Variants in EGLN1 observed in about 807,000 individuals in gnomAD.
EGLN1 encodes egl nine homolog 1.
A neutral mutation model predicts 38.3 loss-of-function variants in EGLN1; 17 were observed. The observed-to-expected ratio is 0.44, with a 90% CI of 0.30 to 0.67. EGLN1 has a LOEUF of 0.67. Ranked by LOEUF, EGLN1 falls within the 30% of genes least tolerant of loss-of-function variation. EGLN1 has a pLI of 0.08. For missense variants in EGLN1, 477 were observed against 603.3 expected (o/e 0.79, Z 2.19); for synonymous variants, 283 against 257.5 (o/e 1.10, Z -0.95).
intron 1 of EGLN1, among the ~76,000 whole-genome samples, chr1:231,419,306 G>C (rs1267636264): frequency 6.6e-6 from 1 of 152,164 alleles, no homozygotes; most frequent in Non-Finnish European, 1.5e-5. Context: ...GCTGTCTGCT[G>C]TCCCTTCTCT....
intron 2 of EGLN1, among the ~76,000 whole-genome samples, chr1:231,372,279 C>T (rs143245612): frequency 1.4e-4 from 22 of 152,290 alleles, no homozygotes; most frequent in Admixed American, 3.9e-4. Flanking sequence ...GGGCTAATTC[C>T]GTTTCTGCTA....
chr1:231,405,233 C>A (rs1231198695), intron 1 of EGLN1, among the ~76,000 whole-genome samples: 5 of 152,020 alleles, frequency 3.3e-5, no homozygotes, highest in Non-Finnish European at 7.4e-5. Context: ...AGTGCGGTGG[C>A]GCTATCTGGC....
chr1:231,395,881 T>C (rs480902), intron 1 of EGLN1, among the ~76,000 whole-genome samples: 97,697 of 151,676 alleles, frequency 0.64, 32,990 homozygotes, highest in Middle Eastern at 0.76. Flanking sequence ...CAGTGACTCA[T>C]AGACACATTA....
intron 1 of EGLN1, among the ~76,000 whole-genome samples, chr1:231,386,776 A>T (rs1688220211): frequency 6.6e-6 from 1 of 152,238 alleles, no homozygotes; most frequent in South Asian, 2.1e-4. Flanking sequence ...TAACATAAAC[A>T]TCTTTAATAC....
intron 1 of EGLN1, among the ~76,000 whole-genome samples, chr1:231,395,300 C>T (rs1195333633): frequency 2.0e-5 from 3 of 152,240 alleles, no homozygotes; most frequent in African/African-American, 7.2e-5. Context: ...CCTATGTCAA[C>T]GGTTCCAAAC....
intron 1 of EGLN1, among the ~76,000 whole-genome samples, chr1:231,383,420 T>A (rs1457341791): frequency 6.6e-6 from 1 of 152,170 alleles, no homozygotes; most frequent in Non-Finnish European, 1.5e-5. Context: ...GAGTCTTACT[T>A]ACACAAAGTA....
chr1:231,367,453 A>T, intron 4 of EGLN1, 116 bp downstream of exon 4: 1 of 1,090,508 alleles, frequency 9.2e-7, no homozygotes, highest in Admixed American at 1.8e-5. Context: ...ATCTGATAAA[A>T]AACAAAAAGT....
At chr1:231,399,807 C>G (rs1688620476) in intron 1 of EGLN1, among the ~76,000 whole-genome samples, 1 of 152,034 alleles carries the variant, frequency 6.6e-6, no homozygotes. Context: ...ACATTCTTGA[C>G]CAATATATAC....
At chr1:231,408,522 T>G (rs932361659) in intron 1 of EGLN1, among the ~76,000 whole-genome samples, 5 of 152,124 alleles carry the variant, frequency 3.3e-5, no homozygotes, top group Admixed American at 1.3e-4. Context: ...ATATGGGTAG[T>G]ACATGGAGAA....
At chr1:231,367,266 T>C (rs1252692991) in intron 4 of EGLN1, among the ~76,000 whole-genome samples, 3 of 152,198 alleles carry the variant, frequency 2.0e-5, no homozygotes, top group African/African-American at 7.2e-5. Flanking sequence ...ATATGGCCGT[T>C]ACCTAGAGTT....
Position 231,365,571 on chromosome 1 carries a change from G to A in EGLN1, c.*840C>T, listed in dbSNP as rs1242059580. On this transcript the variant is annotated 3_prime_UTR_variant, in exon 5 of 5. Transcript: ENST00000366641. ...GAGGATTGCTTGAACCTGGGAGGCG[G>A]AGGTTGCAGTGAGCCAAGAATGCAC... 6.6e-6 allele frequency: 1 copy of A among 152,310 alleles called. No individual in the cohort carries two copies. The highest frequency in any genetic ancestry group is 2.4e-5 in the African/African-American group (1 of 41,426). The allele number at this position is 152,310 out of a possible 1,614,324, so 9.4% of individuals were successfully genotyped here.
intron 1 of EGLN1, among the ~76,000 whole-genome samples, chr1:231,400,821 G>A (rs539222547): frequency 9.9e-5 from 15 of 152,256 alleles, no homozygotes; most frequent in African/African-American, 1.9e-4. Flanking sequence ...AAGCTGAGGC[G>A]GGTAGATTGC....
rs118073315 is a variant in EGLN1 at position 231,383,390 on chromosome 1, G to A, written c.892-9291C>T. ...CAGTTATGCAAAGGCACACAGTACAGTGTAATAAACACCAGAACAGAGTCT... is the reference window on the plus strand; with the variant it reads ...CAGTTATGCAAAGGCACACAGTACAATGTAATAAACACCAGAACAGAGTCT... On this transcript the variant is annotated intron_variant, in intron 1 of 4. Transcript: ENST00000366641. Among the ~76,000 whole-genome samples, 1,110 of 152,274 alleles carry A rather than the reference G, an allele frequency of 7.3e-3. 8 individuals carry two copies. The highest frequency in any genetic ancestry group is 0.011 in the South Asian group (51 of 4,828).
chr1:231,407,582 T>C (rs1419964238), intron 1 of EGLN1, among the ~76,000 whole-genome samples: 1 of 152,166 alleles, frequency 6.6e-6, no homozygotes, highest in African/African-American at 2.4e-5. Context: ...TTCAACATTA[T>C]GTCTATTATG....
chr1:231,380,553 T>C (rs1364970824), intron 1 of EGLN1, among the ~76,000 whole-genome samples: 2 of 152,116 alleles, frequency 1.3e-5, no homozygotes, highest in Admixed American at 6.5e-5. Flanking sequence ...TGATCAACAA[T>C]AGTTTTGGAG....
intron 1 of EGLN1, among the ~76,000 whole-genome samples, chr1:231,392,637 T>C (rs1044350448): frequency 6.6e-5 from 10 of 152,176 alleles, no homozygotes; most frequent in Non-Finnish European, 1.2e-4. Flanking sequence ...ATAATGACAG[T>C]ATACACTTCA....
At chr1:231,405,686 C>T (rs1473369664) in intron 1 of EGLN1, among the ~76,000 whole-genome samples, 1 of 152,038 alleles carries the variant, frequency 6.6e-6, no homozygotes, top group Admixed American at 6.6e-5. Context: ...CCACAAACAT[C>T]TTCCCCACCC....
chr1:231,407,797 G>T (rs545937), intron 1 of EGLN1, among the ~76,000 whole-genome samples: 22,656 of 151,990 alleles, frequency 0.15, 2,069 homozygotes, highest in African/African-American at 0.24. Context: ...TAAAAATAGT[G>T]CAAGCCATGC....
chr1:231,373,704 ATGTGTGTG>A (rs1687887506), intron 2 of EGLN1, among the ~76,000 whole-genome samples: 2 of 131,126 alleles, frequency 1.5e-5, no homozygotes, highest in African/African-American at 3.2e-5. Flanking sequence ...GTGTGTGTGT[ATGTGTGTG>A]TGTTTAGAAC....
Sources: allele counts gnomAD v4.1 joint callset (sites outside exome capture counted in the v4.1 genomes callset), GRCh38; gene constraint gnomAD v4.1.1; transcripts MANE v1.5; gene names NCBI Gene and HGNC (gene_info 2026-07-23, HGNC 2026-07-21).